APP: variants seen among roughly 807,000 people sequenced by gnomAD.
The protein encoded by APP is amyloid-beta precursor protein.
In APP, 31 loss-of-function variants were observed where a neutral mutation model predicts 101.4. The ratio of observed to expected loss-of-function variants is 0.31; its 90% confidence interval spans 0.23 to 0.41. The LOEUF is 0.41. Ranked by LOEUF, APP falls within the 10% of genes least tolerant of loss-of-function variation. The pLI, the probability that APP is intolerant of heterozygous loss-of-function variation, is 1.00. For missense variants in APP, 839 were observed against 1,003.7 expected (o/e 0.84, Z 2.22); for synonymous variants, 366 against 364.4 (o/e 1.00, Z -0.05).
intron 3 of APP, among the ~76,000 whole-genome samples, chr21:26,085,657 T>C (rs1369389789): frequency 6.6e-6 from 1 of 152,216 alleles, no homozygotes. Flanking sequence ...AGAGAGTTGT[T>C]GTTTACATAA....
At chr21:25,927,526 G>C (rs1288211583) in intron 13 of APP, among the ~76,000 whole-genome samples, 2 of 152,094 alleles carry the variant, frequency 1.3e-5, no homozygotes, top group Admixed American at 6.5e-5. Context: ...CAGAAAATTA[G>C]GTCAGTTATT....
At chr21:26,170,303 C>T (rs1480068892) in intron 1 of APP, among the ~76,000 whole-genome samples, 3 of 152,132 alleles carry the variant, frequency 2.0e-5, no homozygotes, top group African/African-American at 7.2e-5. Context: ...CGCCCCCTAC[C>T]CTTCTCGCCC....
At chr21:26,122,979 C>T (rs781680311) in intron 1 of APP, among the ~76,000 whole-genome samples, 7 of 151,974 alleles carry the variant, frequency 4.6e-5, no homozygotes, top group Non-Finnish European at 8.8e-5. Flanking sequence ...TAGTAAGAGG[C>T]CACCTGCAAT....
At chr21:26,015,574 C>T (rs761222792) in intron 6 of APP, among the ~76,000 whole-genome samples, 8 of 151,804 alleles carry the variant, frequency 5.3e-5, no homozygotes, top group Non-Finnish European at 1.0e-4. Flanking sequence ...GTCATTCTTA[C>T]AAGAAACATG....
rs214488 is a variant in APP at position 25,915,612 on chromosome 21, G to T, written c.1688-3650C>A. 1.4e-3 allele frequency among the ~76,000 whole-genome samples: 218 copies of T among 152,206 alleles called. 1 individual carries two copies. Among genetic ancestry groups the T allele is most frequent in the African/African-American group, 4.9e-3 (203 of 41,488 alleles). On this transcript the variant is annotated intron_variant, in intron 13 of 17. Transcript: ENST00000346798. ...GGATTTGTAAGCTGACTTAATCACC[G>T]TTAGTCCTATGGAATGGTTATTGCT...
At chr21:25,974,534 AAAAT>A (rs1601083377) in intron 11 of APP, among the ~76,000 whole-genome samples, 2 of 152,176 alleles carry the variant, frequency 1.3e-5, no homozygotes, top group East Asian at 3.8e-4. Context: ...AACAAAAACA[AAAAT>A]AAAATAAATA....
chr21:25,997,875 T>C (rs2043116954), intron 7 of APP, among the ~76,000 whole-genome samples: 1 of 152,190 alleles, frequency 6.6e-6, no homozygotes, highest in Admixed American at 6.5e-5. Flanking sequence ...TCTGTCACCT[T>C]TCCCCTCTAA....
intron 6 of APP, among the ~76,000 whole-genome samples, chr21:26,020,667 T>G (rs1035423171): frequency 1.6e-4 from 25 of 152,200 alleles, no homozygotes; most frequent in Non-Finnish European, 3.1e-4. Flanking sequence ...TAAGTACATA[T>G]TCATTCAATC....
At chr21:25,995,635 G>GCTA (rs2043024044) in intron 8 of APP, among the ~76,000 whole-genome samples, 1 of 152,164 alleles carries the variant, frequency 6.6e-6, no homozygotes, top group African/African-American at 2.4e-5. Flanking sequence ...AACTCAACAT[G>GCTA]CGTACCTATG....
intron 5 of APP, among the ~76,000 whole-genome samples, chr21:26,048,663 G>A (rs1214138914): frequency 2.0e-5 from 3 of 152,112 alleles, no homozygotes; most frequent in Admixed American, 6.5e-5. Flanking sequence ...GATTCTAACA[G>A]ATAAAAAGAG....
chr21:26,162,181 T>C (rs2063505444), intron 1 of APP, among the ~76,000 whole-genome samples: 1 of 152,140 alleles, frequency 6.6e-6, no homozygotes, highest in Non-Finnish European at 1.5e-5. Context: ...TTTAAGAAAT[T>C]AGTCAGATGT....
chr21:26,074,297 C>T (rs962594098), intron 3 of APP, among the ~76,000 whole-genome samples: 8 of 152,162 alleles, frequency 5.3e-5, no homozygotes, highest in East Asian at 1.9e-4. Flanking sequence ...CCTACTGAAA[C>T]GCCACATTCA....
chr21:25,918,134 T>C (rs1303694628), intron 13 of APP, among the ~76,000 whole-genome samples: 2 of 152,166 alleles, frequency 1.3e-5, no homozygotes, highest in African/African-American at 4.8e-5. Context: ...TCTGCAAGGA[T>C]ATAGAACTAG....
intron 1 of APP, among the ~76,000 whole-genome samples, chr21:26,126,704 G>A (rs537929070): frequency 1.3e-5 from 2 of 152,096 alleles, no homozygotes; most frequent in African/African-American, 4.8e-5. Flanking sequence ...TCCGCTGTAG[G>A]CCCTCCCCCA....
chr21:25,901,450 A>G (rs1322320937), intron 15 of APP, among the ~76,000 whole-genome samples: 3 of 152,190 alleles, frequency 2.0e-5, no homozygotes, highest in South Asian at 2.1e-4. Context: ...ATTCATGTTT[A>G]CAGCTCAATA....
chr21:26,152,284 C>CAAAAAAA (rs1161739630), intron 1 of APP, among the ~76,000 whole-genome samples: 1,598 of 36,060 alleles, frequency 0.044, 214 homozygotes, highest in African/African-American at 0.071. Flanking sequence ...GACTCCATCT[C>CAAAAAAA]AAAAAAAAAA....
chr21:25,973,572 G>T (rs2146565316), intron 11 of APP, among the ~76,000 whole-genome samples: 1 of 152,186 alleles, frequency 6.6e-6, no homozygotes, highest in Non-Finnish European at 1.5e-5. Context: ...AATAAAAACT[G>T]ATAGCACTGT....
At chr21:26,122,274 A>AT (rs2146242066) in intron 1 of APP, among the ~76,000 whole-genome samples, 1 of 152,320 alleles carries the variant, frequency 6.6e-6, no homozygotes, top group South Asian at 2.1e-4. Flanking sequence ...GGGAGTCAGT[A>AT]TACACTGCTG....
At chr21:26,151,725 T>C (rs898584571) in intron 1 of APP, among the ~76,000 whole-genome samples, 1 of 152,156 alleles carries the variant, frequency 6.6e-6, no homozygotes, top group Non-Finnish European at 1.5e-5. Context: ...CCTATGAGCA[T>C]CTAATGCCCT....
Sources: gnomAD v4.1 joint callset for allele counts (sites outside exome capture counted in the v4.1 genomes callset) on GRCh38, gnomAD v4.1.1 for gene constraint, MANE v1.5 for transcripts, NCBI Gene and HGNC (gene_info 2026-07-23, HGNC 2026-07-21) for gene names.